Variants in ACTR3C observed in about 807,000 individuals in gnomAD.
ACTR3C encodes actin-related protein 3C.
ACTR3C carries 18 observed loss-of-function variants against 26.3 expected under a neutral mutation model. The ratio of observed to expected loss-of-function variants is 0.68; its 90% CI spans 0.47 to 1.01. The LOEUF (loss-of-function observed/expected upper bound fraction) is 1.01. ACTR3C is among the 50% of genes least tolerant of loss of function. The pLI, the probability that ACTR3C is intolerant of heterozygous loss-of-function variation, is 0.00. For synonymous variants in ACTR3C, 55 were observed against 94.5 expected (o/e 0.58, Z 2.42); for missense variants, 184 against 250.7 (o/e 0.73, Z 1.80).
the ACTR3C span, among the ~76,000 whole-genome samples, chr7:149,987,320 T>G: frequency 6.6e-6 from 1 of 151,692 alleles, no homozygotes; most frequent in Admixed American, 6.6e-5. Flanking sequence ...AATCCCAGCA[T>G]TTTGGGAGGC....
chr7:150,058,279 A>G, the ACTR3C span, among the ~76,000 whole-genome samples: 1 of 152,226 alleles, frequency 6.6e-6, no homozygotes, highest in Non-Finnish European at 1.5e-5. Context: ...AGGAAACTAT[A>G]TAAATTTTCC....
At chr7:150,056,427 C>T in the ACTR3C span, among the ~76,000 whole-genome samples, 8 of 152,262 alleles carry the variant, frequency 5.3e-5, no homozygotes, top group Middle Eastern at 3.4e-3. Flanking sequence ...TGCCCATTTC[C>T]GAACAATTTC....
the ACTR3C span, among the ~76,000 whole-genome samples, chr7:149,886,450 T>C: frequency 6.6e-6 from 1 of 152,096 alleles, no homozygotes; most frequent in Non-Finnish European, 1.5e-5. Flanking sequence ...TAAAGCCCTC[T>C]GGGAAAAACA....
At chr7:150,315,951 A>T (rs1488955754) in intron 1 of ACTR3C, among the ~76,000 whole-genome samples, 1 of 152,180 alleles carries the variant, frequency 6.6e-6, no homozygotes, top group Non-Finnish European at 1.5e-5. Flanking sequence ...TAATCCCAGC[A>T]CTTCGGGAGG....
the ACTR3C span, among the ~76,000 whole-genome samples, chr7:149,901,855 G>A: frequency 1.6e-5 from 2 of 127,610 alleles, no homozygotes; most frequent in Non-Finnish European, 3.1e-5. Flanking sequence ...AGGTTGCAGT[G>A]AGCCAAGATC....
chr7:150,044,144 A>G, the ACTR3C span, among the ~76,000 whole-genome samples: 1 of 152,124 alleles, frequency 6.6e-6, no homozygotes, highest in Non-Finnish European at 1.5e-5. Flanking sequence ...TAAAAAAACT[A>G]CTGCTCTAAT....
At chr7:149,959,093 G>A in the ACTR3C span, among the ~76,000 whole-genome samples, 3 of 152,168 alleles carry the variant, frequency 2.0e-5, no homozygotes, top group Non-Finnish European at 4.4e-5. Flanking sequence ...TGTTGGCTCG[G>A]TGCCCTGTGA....
At chr7:150,066,283 T>A in the ACTR3C span, among the ~76,000 whole-genome samples, 6 of 152,262 alleles carry the variant, frequency 3.9e-5, no homozygotes, top group East Asian at 1.2e-3. Flanking sequence ...ATGGGAAGGA[T>A]CCACAGCGAT....
chr7:150,312,741 C>T (rs987636289), intron 1 of ACTR3C, among the ~76,000 whole-genome samples: 2 of 152,158 alleles, frequency 1.3e-5, no homozygotes, highest in Non-Finnish European at 2.9e-5. Flanking sequence ...CCCCTACCCC[C>T]ATAATCCCCA....
At chr7:149,897,017 C>T in the ACTR3C span, among the ~76,000 whole-genome samples, 3 of 147,948 alleles carry the variant, frequency 2.0e-5, no homozygotes, top group Non-Finnish European at 4.5e-5. Context: ...GCTGAGATCG[C>T]GCCACTGCAC....
chr7:150,125,402 G>C, the ACTR3C span, among the ~76,000 whole-genome samples: 2 of 134,750 alleles, frequency 1.5e-5, no homozygotes, highest in Non-Finnish European at 3.1e-5. Flanking sequence ...AAACATAACT[G>C]TTTTGGTAAA....
chr7:150,049,063 A>C, the ACTR3C span, among the ~76,000 whole-genome samples: 1 of 151,322 alleles, frequency 6.6e-6, no homozygotes, highest in African/African-American at 2.4e-5. Flanking sequence ...GCCGAGAGCG[A>C]GGGAGGGCGA....
the ACTR3C span, among the ~76,000 whole-genome samples, chr7:150,231,772 T>C: frequency 6.6e-6 from 1 of 152,108 alleles, no homozygotes; most frequent in Non-Finnish European, 1.5e-5. Flanking sequence ...TTCCTGTGTG[T>C]TTTATGGCCC....
chr7:150,163,352 T>TTA, the ACTR3C span, among the ~76,000 whole-genome samples: 4 of 135,376 alleles, frequency 3.0e-5, no homozygotes, highest in Non-Finnish European at 4.6e-5. Context: ...ACATATATCC[T>TTA]TGTGTGTGTG....
the ACTR3C span, among the ~76,000 whole-genome samples, chr7:150,029,336 G>A: frequency 6.7e-6 from 1 of 148,172 alleles, no homozygotes; most frequent in African/African-American, 2.5e-5. Flanking sequence ...GAGGTGGGAG[G>A]ACTGCTTGAG....
At chr7:150,012,224 C>T in the ACTR3C span, among the ~76,000 whole-genome samples, 1 of 151,688 alleles carries the variant, frequency 6.6e-6, no homozygotes, top group African/African-American at 2.4e-5. Flanking sequence ...TTATTCTTTC[C>T]CTTTCTTACT....
chr7:150,148,056 C>A, the ACTR3C span, among the ~76,000 whole-genome samples: 1 of 144,746 alleles, frequency 6.9e-6, no homozygotes, highest in South Asian at 2.3e-4. Flanking sequence ...GGCTTCATAC[C>A]TGGGTAATAA....
chr7:150,059,292 T>G, the ACTR3C span, among the ~76,000 whole-genome samples: 1 of 152,224 alleles, frequency 6.6e-6, no homozygotes, highest in African/African-American at 2.4e-5. Context: ...ACTTCTTTGA[T>G]GTACCTAACC....
chr7:150,034,421 T>G, the ACTR3C span, among the ~76,000 whole-genome samples: 1 of 151,530 alleles, frequency 6.6e-6, no homozygotes, highest in East Asian at 1.9e-4. Flanking sequence ...GATTTTCTTG[T>G]AACTCATGAA....
Sources: allele counts gnomAD v4.1 joint callset (sites outside exome capture counted in the v4.1 genomes callset), GRCh38; gene constraint gnomAD v4.1.1; transcripts MANE v1.5; gene names NCBI Gene and HGNC (gene_info 2026-07-23, HGNC 2026-07-21).